ESCO2: variants seen among roughly 807,000 people sequenced by gnomAD.
ESCO2 encodes N-acetyltransferase ESCO2.
A neutral mutation model predicts 61.7 loss-of-function variants in ESCO2; 51 were observed. The ratio of observed to expected loss-of-function variants is 0.83; its 90% confidence interval spans 0.66 to 1.04. The LOEUF (loss-of-function observed/expected upper bound fraction) is 1.04, where lower values mean the gene tolerates loss of function less well. Ranked by LOEUF, ESCO2 falls within the 50% of genes least tolerant of loss-of-function variation. The pLI is 0.00. For missense variants in ESCO2, 692 were observed against 686.2 expected (o/e 1.01, Z -0.09); for synonymous variants, 230 against 238.2 (o/e 0.97, Z 0.32).
intron 9 of ESCO2, among the ~76,000 whole-genome samples, chr8:27,798,406 G>A (rs1487273599): frequency 1.3e-5 from 2 of 152,008 alleles, no homozygotes; most frequent in Admixed American, 1.3e-4. Flanking sequence ...GTTGCAGTGA[G>A]CGAGATCGTG....
Position 27,804,263 on chromosome 8 carries a change from ATTAC to A in ESCO2, c.*829_*832del, listed in dbSNP as rs1403393779. 6.1e-5 allele frequency: 60 copies of A among 984,912 alleles called. No homozygotes were observed. The highest frequency in any genetic ancestry group is 1.8e-4 in the Admixed American group (3 of 16,282). 61.0% of individuals were successfully genotyped at this position (984,912 alleles called of 1,614,324 possible). A position where few individuals can be genotyped will look rare whatever the true frequency, so the allele number is the denominator to read the frequency against. On this transcript the variant is annotated 3_prime_UTR_variant, in exon 11 of 11. Transcript: ENST00000305188. ...TAAAATTATACTTAGTAATTGCACT[ATTAC>A]TTAGTTAATTTTTGTTGTATGGAAA...
chr8:27,784,148 G>T, intron 5 of ESCO2, 91 bp downstream of exon 5: 1 of 1,323,702 alleles, frequency 7.6e-7, no homozygotes, highest in Non-Finnish European at 1.1e-6. Flanking sequence ...TTAATTTGGG[G>T]AGTTTTTTTT....
downstream of ESCO2, among the ~76,000 whole-genome samples, chr8:27,814,021 G>A (rs1290487556): frequency 6.6e-6 from 1 of 152,122 alleles, no homozygotes; most frequent in Non-Finnish European, 1.5e-5. Context: ...AGGACCGATA[G>A]GATGTCCTAC....
downstream of ESCO2, among the ~76,000 whole-genome samples, chr8:27,808,572 C>T (rs887417608): frequency 7.3e-5 from 11 of 150,246 alleles, no homozygotes; most frequent in East Asian, 7.9e-4. Context: ...CCCAGCTACT[C>T]GGAGTGGGAG....
At chr8:27,798,728 A>G (rs1805358276) in intron 9 of ESCO2, among the ~76,000 whole-genome samples, 1 of 152,208 alleles carries the variant, frequency 6.6e-6, no homozygotes, top group Non-Finnish European at 1.5e-5. Context: ...AACAACTTGG[A>G]TGAGTCTCAG....
intron 10 of ESCO2, among the ~76,000 whole-genome samples, chr8:27,802,639 ATATATATATATATATATT>A (rs1805468451): frequency 1.8e-5 from 1 of 56,518 alleles, no homozygotes; most frequent in African/African-American, 6.8e-5. Context: ...AAATATATAT[ATATATATATATATATATT>A]ATATATATAT....
chr8:27,799,628 G>T lies in ESCO2; in HGVS notation c.1585G>T (p.Glu529Ter). Reference protein sequence around the residue: ...PRAWQCSDVPEPAVCGISRIW... With the variant: ...PRAWQCSDVP ...GGCTTGGCAATGTTCAGATGTACCA[G>T]AACCTGCAGTCTGTGGGATAAGTAG... Residue 529 changes from glutamate (E) to a stop codon, truncating the protein, a stop_gained, in exon 10 of 11, where the codon GAA becomes TAA. Transcript: ENST00000305188. LOFTEE classifies it high-confidence loss of function. 1 of 1,613,930 alleles carries T rather than the reference G, an allele frequency of 6.2e-7. No homozygotes were observed. Among genetic ancestry groups the T allele is most frequent in the Non-Finnish European group, 8.5e-7 (1 of 1,179,982 alleles).
At chr8:27,798,195 C>T (rs1805344892) in intron 9 of ESCO2, among the ~76,000 whole-genome samples, 1 of 152,180 alleles carries the variant, frequency 6.6e-6, no homozygotes, top group Admixed American at 6.5e-5. Context: ...CGCAGTGGCT[C>T]ACACCTGTAA....
At chr8:27,785,416 G>A (rs1451082750) in intron 5 of ESCO2, among the ~76,000 whole-genome samples, 2 of 152,174 alleles carry the variant, frequency 1.3e-5, no homozygotes, top group African/African-American at 4.8e-5. Flanking sequence ...AGCATAAAGA[G>A]ACAGGCCAGG....
chr8:27,780,580 T>C (rs1271542866), intron 4 of ESCO2, among the ~76,000 whole-genome samples: 1 of 152,222 alleles, frequency 6.6e-6, no homozygotes, highest in East Asian at 1.9e-4. Context: ...CTACTCTATC[T>C]TTCACCCAAA....
chr8:27,811,956 TAATCACTAACTTCA>T (rs1805694347), downstream of ESCO2: 1 of 152,220 alleles, frequency 6.6e-6, no homozygotes, highest in African/African-American at 2.4e-5. Flanking sequence ...CACAGAAATG[TAATCACTAACTTCA>T]CTATAGCTGT....
chr8:27,807,237 A>G (rs1242123112), downstream of ESCO2, among the ~76,000 whole-genome samples: 2 of 152,124 alleles, frequency 1.3e-5, no homozygotes, highest in Admixed American at 6.5e-5. Flanking sequence ...TATAAGGTTT[A>G]TAGTTTCTTT....
At position 27,804,004 on chromosome 8, in the gene ESCO2, A is replaced by G. The variant is rs377214278; in HGVS notation, c.*566A>G. On this transcript the variant is annotated 3_prime_UTR_variant, in exon 11 of 11. Coordinates refer to ENST00000305188, the MANE Select transcript of ESCO2 (RefSeq NM_001017420.3). ...GATCCTCCCAAAACGCTGGGATTAC[A>G]GTCATGAGCCACCGTGCCCAGCCTA... 3 of 987,166 alleles carry G rather than the reference A, an allele frequency of 3.0e-6. No homozygotes were observed. In the African/African-American group the frequency reaches 5.2e-5, roughly 17 times the overall value. The allele number at this position is 987,166 out of a possible 1,614,324, so 61.2% of individuals were successfully genotyped here.
downstream of ESCO2, chr8:27,808,297 TG>T: frequency 1.1e-6 from 1 of 903,804 alleles, no homozygotes; most frequent in Non-Finnish European, 1.5e-6. Context: ...AACAAGCTCC[TG>T]GAGGCTTCTA....
chr8:27,775,504 C>T lies in ESCO2; in HGVS notation c.-11C>T, dbSNP rs1473394906. ...GTTATTGTCATTTCTTTTAGGAATTCAATAAAGAAAATGGCAGCTCTTACT... is the reference window on the plus strand; with the variant it reads ...GTTATTGTCATTTCTTTTAGGAATTTAATAAAGAAAATGGCAGCTCTTACT... On this transcript the variant is annotated 5_prime_UTR_variant, in exon 2 of 11. Coordinates refer to ENST00000305188, the MANE Select transcript of ESCO2 (RefSeq NM_001017420.3). 1 of 1,613,372 alleles carries T rather than the reference C, an allele frequency of 6.2e-7. No individual in the cohort carries two copies. The highest frequency in any genetic ancestry group is 1.1e-5 in the South Asian group (1 of 91,054).
At chr8:27,808,604 GT>G (rs1805609350), downstream of ESCO2, among the ~76,000 whole-genome samples, 1 of 149,512 alleles carries the variant, frequency 6.7e-6, no homozygotes, top group South Asian at 2.1e-4. Flanking sequence ...AGGATCACTT[GT>G]GCCTGGGAGG....
upstream of ESCO2, chr8:27,774,348 T>C (rs1017000996): frequency 1.3e-5 from 2 of 151,930 alleles, no homozygotes; most frequent in South Asian, 4.2e-4. Flanking sequence ...GAGTCCGGCG[T>C]TGCTGCAGGG....
At position 27,788,781 on chromosome 8, in the gene ESCO2, G is replaced by A. The variant is rs2128955108; in HGVS notation, c.1132-66G>A. ...GGTGAAATTTGAATGAATGGTTATA[G>A]GAACTTAATTTAGAGCTATTTGTGC... is the stretch of plus-strand genomic sequence containing the variant. On this transcript the variant is annotated intron_variant, in intron 6 of 10. Transcript: ENST00000305188. The A allele has an allele frequency of 2.2e-5, 35 of 1,596,204 alleles. No individual in the cohort carries two copies. In the South Asian group the frequency reaches 2.9e-4, roughly 13 times the overall value.
downstream of ESCO2, among the ~76,000 whole-genome samples, chr8:27,806,662 C>G (rs1805569750): frequency 1.3e-5 from 2 of 151,166 alleles, no homozygotes; most frequent in African/African-American, 4.9e-5. Context: ...TCTTGTTGCC[C>G]AGGCTGGAGT....
Sources: allele counts gnomAD v4.1 joint callset (sites outside exome capture counted in the v4.1 genomes callset), GRCh38; gene constraint gnomAD v4.1.1; transcripts MANE v1.5; gene names NCBI Gene and HGNC (gene_info 2026-07-23, HGNC 2026-07-21).